ATP5MJ: variants seen among roughly 807,000 people sequenced by gnomAD.
ATP5MJ encodes ATP synthase membrane subunit j.
In ATP5MJ, 4 loss-of-function variants were observed where a neutral mutation model predicts 8.3. The ratio of observed to expected loss-of-function variants is 0.48; its 90% CI spans 0.24 to 1.11. ATP5MJ has a LOEUF of 1.11. Among genes scored for constraint, ATP5MJ ranks in the 50% least tolerant of loss-of-function variants. The probability of loss-of-function intolerance (pLI) is 0.18; values close to 1 mark genes in which losing one functional copy is unlikely to be tolerated. For synonymous variants in ATP5MJ, 23 were observed against 21.3 expected (o/e 1.08, Z -0.23); for missense variants, 66 against 71.8 (o/e 0.92, Z 0.29).
intron 1 of ATP5MJ, chr14:103,921,117 G>A: frequency 7.6e-7 from 1 of 1,313,272 alleles, no homozygotes. Context: ...ACTGGATGTG[G>A]AGTCAGAGTT....
At chr14:103,920,858 TATTC>T (rs1361565860) in intron 1 of ATP5MJ, 1 of 991,798 alleles carries the variant, frequency 1.0e-6, no homozygotes. Context: ...AAATCCATCT[TATTC>T]ATAGGCCAAA....
intron 1 of ATP5MJ, among the ~76,000 whole-genome samples, chr14:103,918,799 G>A (rs867394246): frequency 6.6e-6 from 1 of 151,942 alleles, no homozygotes; most frequent in African/African-American, 2.4e-5. Flanking sequence ...AAGGCAGGGA[G>A]ATCAAGAGGT....
Position 103,916,657 on chromosome 14 carries a change from G to C in ATP5MJ, c.1-1468C>G, listed in dbSNP as rs569373527. Among the ~76,000 whole-genome samples the C allele has an allele frequency of 2.6e-5, 4 of 152,310 alleles. No homozygotes were observed. The South Asian group carries it at 8.3e-4, about 32-fold the overall frequency. On this transcript the variant is annotated intron_variant, in intron 1 of 3. Coordinates refer to ENST00000286953, the MANE Select transcript of ATP5MJ (RefSeq NM_004894.3). ...AGCTATTGGAAGACTGAGGTGGGAA[G>C]ACTGCTTGAGCTTGGGTGGTTGAAG...
At chr14:103,913,871 G>T (rs555704662) in intron 3 of ATP5MJ, 90 bp downstream of exon 3, 4 of 1,460,924 alleles carry the variant, frequency 2.7e-6, no homozygotes, top group Non-Finnish European at 3.8e-6. Flanking sequence ...ACTGTGTTTC[G>T]ATTTCAATTG....
At chr14:103,916,530 C>G (rs772913122) in intron 1 of ATP5MJ, among the ~76,000 whole-genome samples, 14 of 151,982 alleles carry the variant, frequency 9.2e-5, no homozygotes, top group Non-Finnish European at 1.5e-4. Context: ...TCCAGGAGCT[C>G]GAGACTAATT....
At chr14:103,914,717 C>T (rs2087609162) in intron 2 of ATP5MJ, 3 of 545,156 alleles carry the variant, frequency 5.5e-6, no homozygotes. Flanking sequence ...GTCCTAGCTA[C>T]TTGGCAGGCT....
In ATP5MJ at chr14:103,914,860, AAAGAAAAG is replaced by A. The variant is rs1316510044; in HGVS notation, c.124+198_124+205del. The A allele has an allele frequency of 5.9e-6, 3 of 508,112 alleles. No individual in the cohort carries two copies. The African/African-American group carries it at 6.2e-5, about 11-fold the overall frequency. 31.5% of individuals were successfully genotyped at this position (508,112 alleles called of 1,614,324 possible). A position where few individuals can be genotyped will look rare whatever the true frequency, so the allele number is the denominator to read the frequency against. On this transcript the variant is annotated intron_variant, in intron 2 of 3. Transcript: ENST00000286953. The stretch of plus-strand genomic sequence containing the variant: ...TCCAAAAAAAAAAAAAAAAAAAAGA[AAAGAAAAG>A]AAAAAAAAAATTCCCCACTGTCCCC...
intron 1 of ATP5MJ, among the ~76,000 whole-genome samples, chr14:103,919,992 A>T (rs919541090): frequency 1.3e-5 from 2 of 150,848 alleles, no homozygotes; most frequent in African/African-American, 2.4e-5. Context: ...ACACCCAGCT[A>T]ATTTTTGTAT....
At chr14:103,914,850 A>AAAAAAAAAAAAAAAAAC in intron 2 of ATP5MJ, 1 of 427,588 alleles carries the variant, frequency 2.3e-6, no homozygotes. Context: ...AAAAAAAAAA[A>AAAAAAAAAAAAAAAAAC]AAAAAAAGAA....
intron 1 of ATP5MJ, among the ~76,000 whole-genome samples, chr14:103,919,733 T>C (rs1460768684): frequency 2.0e-5 from 3 of 152,162 alleles, no homozygotes; most frequent in Admixed American, 1.3e-4. Context: ...TGCTATTCAG[T>C]AGCTTGCAAA....
chr14:103,914,010 G>C (rs2087603049), intron 2 of ATP5MJ, 26 bp from the exon 3 acceptor site: 1 of 1,596,250 alleles, frequency 6.3e-7, no homozygotes, highest in African/African-American at 1.3e-5. Context: ...GGAAAAAAAA[G>C]CAGTCATATC....
chr14:103,915,282 C>G, intron 1 of ATP5MJ, 93 bp from the exon 2 acceptor site: 1 of 1,435,692 alleles, frequency 7.0e-7, no homozygotes. Flanking sequence ...AACCCCATTT[C>G]CCATGACTGC....
chr14:103,921,112 A>C, intron 1 of ATP5MJ: 1 of 1,347,882 alleles, frequency 7.4e-7, no homozygotes, highest in Non-Finnish European at 1.0e-6. Context: ...AAGGGACTGG[A>C]TGTGGAGTCA....
At chr14:103,918,936 G>A (rs2087647960) in intron 1 of ATP5MJ, among the ~76,000 whole-genome samples, 1 of 150,576 alleles carries the variant, frequency 6.6e-6, no homozygotes. Context: ...GCAGGAGAAT[G>A]GCGTGAACCC....
intron 1 of ATP5MJ, among the ~76,000 whole-genome samples, chr14:103,915,891 G>A (rs554557488): frequency 2.6e-5 from 4 of 152,182 alleles, no homozygotes; most frequent in Non-Finnish European, 5.9e-5. Context: ...ACATCACAGA[G>A]CTCATCCAGC....
intron 1 of ATP5MJ, among the ~76,000 whole-genome samples, chr14:103,918,993 G>C (rs946269901): frequency 4.0e-5 from 6 of 151,826 alleles, no homozygotes; most frequent in African/African-American, 1.5e-4. Flanking sequence ...CTGCACTCCA[G>C]CCTGGGTGAC....
chr14:103,916,945 T>C (rs2087630750), intron 1 of ATP5MJ, among the ~76,000 whole-genome samples: 1 of 152,084 alleles, frequency 6.6e-6, no homozygotes, highest in Non-Finnish European at 1.5e-5. Context: ...AAGCCCAACC[T>C]AGTCAAAGGT....
rs373633111 is a variant in ATP5MJ at position 103,917,953 on chromosome 14, T to G, written c.1-2764A>C. 3.6e-4 allele frequency: 55 copies of G among 152,366 alleles called. 1 individual carries two copies. The highest frequency in any genetic ancestry group is 1.1e-3 in the African/African-American group (44 of 41,574). 9.4% of individuals were successfully genotyped at this position (152,366 alleles called of 1,614,324 possible). A position where few individuals can be genotyped will look rare whatever the true frequency, so the allele number is the denominator to read the frequency against. On this transcript the variant is annotated intron_variant, in intron 1 of 3. Coordinates refer to ENST00000286953, the MANE Select transcript of ATP5MJ (RefSeq NM_004894.3). The stretch of plus-strand genomic sequence containing the variant: ...ACACCTGCTTTCCTGCTCTTCCCTA[T>G]GAGAGGACTTATTTAGGCAAGGATG...
At chr14:103,914,016 A>AT (rs2087603140) in intron 2 of ATP5MJ, 32 bp from the exon 3 acceptor site, 3 of 1,584,128 alleles carry the variant, frequency 1.9e-6, no homozygotes, top group Non-Finnish European at 2.6e-6. Flanking sequence ...AAAAGCAGTC[A>AT]TATCAATGCT....
Sources: allele counts gnomAD v4.1 joint callset (sites outside exome capture counted in the v4.1 genomes callset), GRCh38; gene constraint gnomAD v4.1.1; transcripts MANE v1.5; gene names NCBI Gene and HGNC (gene_info 2026-07-23, HGNC 2026-07-21).